The following MARCHF1 variants were observed in gnomAD, a reference collection of about 807,000 sequenced individuals.
The protein encoded by MARCHF1 is membrane associated ring-CH-type finger 1.
A neutral mutation model predicts 54.2 loss-of-function variants in MARCHF1; 40 were observed. The ratio of observed to expected loss-of-function variants is 0.74; its 90% confidence interval spans 0.57 to 0.96. MARCHF1 has a LOEUF of 0.96. Ranked by LOEUF, MARCHF1 falls within the 40% of genes least tolerant of loss-of-function variation. MARCHF1 has a pLI of 0.00. For missense variants in MARCHF1, 586 were observed against 656.5 expected, an observed-to-expected ratio of 0.89 and a Z score of 1.17; for synonymous variants, 236 against 236.3, an observed-to-expected ratio of 1.00 and a Z score of 0.01.
intron 3 of MARCHF1, among the ~76,000 whole-genome samples, chr4:163,873,050 A>AAC (rs1750209158): frequency 2.0e-5 from 3 of 150,524 alleles, no homozygotes; most frequent in Admixed American, 1.3e-4. Context: ...TCTCAAAAAA[A>AAC]AAACAAACAA....
intron 4 of MARCHF1, among the ~76,000 whole-genome samples, chr4:163,724,778 A>G (rs1357698896): frequency 6.6e-6 from 1 of 152,158 alleles, no homozygotes; most frequent in African/African-American, 2.4e-5. Context: ...GCAATGAATG[A>G]GAATCCGCGG....
intron 1 of MARCHF1, among the ~76,000 whole-genome samples, chr4:164,261,305 G>A (rs1168775914): frequency 1.3e-5 from 2 of 152,010 alleles, no homozygotes; most frequent in Non-Finnish European, 2.9e-5. Context: ...TATATAATCT[G>A]CTAAGGTAGA....
At chr4:164,374,013 C>A (rs1275373716) in intron 1 of MARCHF1, among the ~76,000 whole-genome samples, 1 of 152,164 alleles carries the variant, frequency 6.6e-6, no homozygotes, top group African/African-American at 2.4e-5. Context: ...TAGTTGATAA[C>A]CAACAATTTC....
At chr4:164,364,121 T>C (rs547758394) in intron 1 of MARCHF1, among the ~76,000 whole-genome samples, 53 of 152,252 alleles carry the variant, frequency 3.5e-4, no homozygotes, top group Middle Eastern at 3.4e-3. Flanking sequence ...CCAGACATCT[T>C]AAATCAAAAA....
chr4:163,531,727 C>T (rs1270456863), intron 9 of MARCHF1, among the ~76,000 whole-genome samples: 2 of 151,460 alleles, frequency 1.3e-5, no homozygotes, highest in Non-Finnish European at 3.0e-5. Context: ...GTGATTATGA[C>T]AATGTTGCAG....
chr4:163,952,112 G>C (rs1303430239), intron 3 of MARCHF1, among the ~76,000 whole-genome samples: 2 of 152,120 alleles, frequency 1.3e-5, no homozygotes, highest in East Asian at 1.9e-4. Flanking sequence ...CCCCAAGTAA[G>C]CATCAGGCCA....
intron 1 of MARCHF1, among the ~76,000 whole-genome samples, chr4:164,343,648 G>C (rs1390796640): frequency 6.6e-5 from 10 of 152,110 alleles, no homozygotes; most frequent in African/African-American, 1.2e-4. Flanking sequence ...CTAATCATTA[G>C]AGAAATGCAA....
At position 163,888,680 on chromosome 4, in the gene MARCHF1, T is replaced by G. The variant is rs1166792555; in HGVS notation, c.-38-34511A>C. On this transcript the variant is annotated intron_variant, in intron 3 of 9. Transcript: ENST00000514618. ...GACTACTCCAGAGAAAGAAATCAAC[T>G]ATTGATGTGCAGCCAAATCATTTTC... Among the ~76,000 whole-genome samples, 4 of 152,184 alleles carry G rather than the reference T, an allele frequency of 2.6e-5. 1 individual carries two copies. Among genetic ancestry groups the G allele is most frequent in the African/African-American group, 9.7e-5 (4 of 41,444 alleles).
At chr4:164,162,378 G>T (rs1730260963) in intron 1 of MARCHF1, among the ~76,000 whole-genome samples, 1 of 152,108 alleles carries the variant, frequency 6.6e-6, no homozygotes, top group Non-Finnish European at 1.5e-5. Context: ...CAGTGAGAAG[G>T]TTTATAGGCC....
At chr4:164,146,455 G>T (rs1485116386) in intron 1 of MARCHF1, among the ~76,000 whole-genome samples, 1 of 152,076 alleles carries the variant, frequency 6.6e-6, no homozygotes, top group Admixed American at 6.5e-5. Context: ...AAACAGCATG[G>T]TACTGGTACC....
At chr4:163,683,940 T>C (rs904913513) in intron 5 of MARCHF1, among the ~76,000 whole-genome samples, 2 of 150,322 alleles carry the variant, frequency 1.3e-5, no homozygotes. Flanking sequence ...CTCACACGTC[T>C]ACCTGCTAGG....
At chr4:163,994,301 T>TGA (rs1553968460) in intron 2 of MARCHF1, among the ~76,000 whole-genome samples, 25 of 143,518 alleles carry the variant, frequency 1.7e-4, no homozygotes, top group African/African-American at 5.6e-4. Context: ...TGTGTGTGTG[T>TGA]GAGTGTGGTG....
intron 1 of MARCHF1, among the ~76,000 whole-genome samples, chr4:164,257,520 T>C (rs773655644): frequency 1.3e-5 from 2 of 151,898 alleles, no homozygotes; most frequent in Non-Finnish European, 2.9e-5. Flanking sequence ...TACATTCTTA[T>C]CTATTAACTA....
At chr4:163,609,467 C>T (rs527844086) in intron 7 of MARCHF1, among the ~76,000 whole-genome samples, 21 of 152,020 alleles carry the variant, frequency 1.4e-4, no homozygotes, top group Admixed American at 1.3e-3. Context: ...CTTCCCTTTC[C>T]TTATCCATTA....
chr4:164,175,128 T>C (rs985501623), intron 1 of MARCHF1, among the ~76,000 whole-genome samples: 6 of 152,206 alleles, frequency 3.9e-5, no homozygotes, highest in Admixed American at 3.9e-4. Flanking sequence ...TTTCTCATCT[T>C]TATAGTAAAG....
intron 2 of MARCHF1, among the ~76,000 whole-genome samples, chr4:164,066,002 G>C (rs1754719144): frequency 6.6e-6 from 1 of 152,098 alleles, no homozygotes; most frequent in Non-Finnish European, 1.5e-5. Context: ...CCAGTCCACT[G>C]ACTCAAGTAT....
chr4:164,081,071 G>C (rs1043491873), intron 2 of MARCHF1, among the ~76,000 whole-genome samples: 3 of 147,806 alleles, frequency 2.0e-5, no homozygotes, highest in Non-Finnish European at 4.5e-5. Flanking sequence ...AGCCGGGAGC[G>C]GTGGCGGGCT....
rs76040825 is a variant in MARCHF1 at position 164,020,391 on chromosome 4, T to C, written c.-247-31682A>G. Among the ~76,000 whole-genome samples the C allele has an allele frequency of 3.2e-3, 484 of 152,344 alleles. 3 individuals are homozygous for C. Among genetic ancestry groups the C allele is most frequent in the African/African-American group, 0.011 (467 of 41,580 alleles). On this transcript the variant is annotated intron_variant, in intron 2 of 9. Coordinates refer to ENST00000514618, the MANE Select transcript of MARCHF1 (RefSeq NM_001394959.1). Reference sequence around the variant, plus strand: ...GATAAAATATGAGATGAAGCATCTATGTGTGGCAGAAATATATCCAAATCA... The same window carrying C: ...GATAAAATATGAGATGAAGCATCTACGTGTGGCAGAAATATATCCAAATCA...
intron 1 of MARCHF1, among the ~76,000 whole-genome samples, chr4:164,274,809 TGGGACTACA>T (rs1560983707): frequency 2.3e-4 from 34 of 150,626 alleles, no homozygotes; most frequent in Non-Finnish European, 4.5e-5. Flanking sequence ...CCCGAGTAGC[TGGGACTACA>T]GGCGCCCGCC....
Sources: allele counts gnomAD v4.1 joint callset (sites outside exome capture counted in the v4.1 genomes callset), GRCh38; gene constraint gnomAD v4.1.1; transcripts MANE v1.5; gene names NCBI Gene and HGNC (gene_info 2026-07-23, HGNC 2026-07-21).